TRPV5: variants seen among roughly 807,000 people sequenced by gnomAD.
The protein encoded by TRPV5 is calcium transport protein 2.
A neutral mutation model predicts 74.1 loss-of-function variants in TRPV5; 66 were observed. The ratio of observed to expected loss-of-function variants is 0.89; its 90% CI spans 0.73 to 1.09. The LOEUF is 1.09. Among genes scored for constraint, TRPV5 ranks in the 50% least tolerant of loss-of-function variants. TRPV5 has a pLI of 0.00. For missense variants in TRPV5, 936 were observed against 930.4 expected, an observed-to-expected ratio of 1.01 and a Z score of -0.08; for synonymous variants, 399 against 360.7, an observed-to-expected ratio of 1.11 and a Z score of -1.20.
At chr7:142,931,377 GCCT>G (rs1363311808) in intron 1 of TRPV5, among the ~76,000 whole-genome samples, 1 of 152,094 alleles carries the variant, frequency 6.6e-6, no homozygotes, top group African/African-American at 2.4e-5. Flanking sequence ...GTTACAGGGT[GCCT>G]CTTTCTTCTG....
chr7:142,910,332 G>A (rs1355496709), intron 13 of TRPV5, among the ~76,000 whole-genome samples: 1 of 152,156 alleles, frequency 6.6e-6, no homozygotes, highest in Admixed American at 6.5e-5. Context: ...TAGAACAAAG[G>A]TGTGGGAGTG....
rs1215728451 is a variant in TRPV5 at position 142,929,031 on chromosome 7, C to G, written c.577G>C (p.Asp193His). The G allele has an allele frequency of 3.7e-6, 6 of 1,614,044 alleles. No homozygotes were observed. In the East Asian group the frequency reaches 1.3e-4, roughly 36 times the overall value. ...IEHGADIRAQ[D>H]SLGNTVLHIL... ...CCATCCCAGCTCTTACCCAGGGAGT[C>G]CTGGGCCCTGATGTCAGCTCCATGC... Residue 193 changes from aspartate to histidine, a missense_variant, in exon 5 of 15, where the codon GAC becomes CAC. Asp to His is a moderately conservative substitution (Grantham distance 81). Transcript: ENST00000265310.
chr7:142,911,094 TACA>T (rs1341457527), intron 13 of TRPV5, among the ~76,000 whole-genome samples: 1 of 152,182 alleles, frequency 6.6e-6, no homozygotes, highest in African/African-American at 2.4e-5. Context: ...CCTCACAGAA[TACA>T]ACGTGAGTGG....
At position 142,914,971 on chromosome 7, in the gene TRPV5, C is replaced by T; in HGVS notation, c.1362G>A (p.Met454Ile). The T allele has an allele frequency of 6.2e-7, 1 of 1,614,138 alleles. No homozygotes were observed. The change falls in exon 11 of 15, where the codon ATG becomes ATA. Residue 454 changes from methionine to isoleucine, a missense_variant. Transcript: ENST00000265310. ...LTNTNGEVVP[M>I]SFALVLGWCS... ...ACCAGCCCAGCACCAGGGCAAAGGA[C>T]ATGGGCACCACCTCCCCATTGGTGT...
At chr7:142,918,102 C>T (rs369838379) in intron 8 of TRPV5, among the ~76,000 whole-genome samples, 3 of 152,312 alleles carry the variant, frequency 2.0e-5, no homozygotes, top group African/African-American at 7.2e-5. Flanking sequence ...AATTGAAGTG[C>T]TAATAGGCTT....
Position 142,930,348 on chromosome 7 carries a change from C to A in TRPV5, c.226+1G>T. 1.2e-6 allele frequency: 2 copies of A among 1,614,054 alleles called. No individual in the cohort carries two copies. The highest frequency in any genetic ancestry group is 3.3e-5 in the Admixed American group (2 of 60,028). On this transcript the variant is annotated splice_donor_variant, in intron 2 of 14. Coordinates refer to ENST00000265310, the MANE Select transcript of TRPV5 (RefSeq NM_019841.7). LOFTEE classifies it high-confidence loss of function. The stretch of plus-strand genomic sequence containing the variant: ...TCCATCCCATTAAATCCAGATCCCA[C>A]CTCTTTGTCGAACGTCACAGGTGCA...
chr7:142,915,374 T>C lies in TRPV5; in HGVS notation c.1219A>G (p.Ile407Val), dbSNP rs1330342416. ...TAGCGAGAGGCACCAACCCTGAAGA[T>C]GTCTGGAATCTGGGGAGAGGACGGC... ...VIILLLEIPDIFRVGASRYFG... is the reference protein window; with the variant it reads ...VIILLLEIPDVFRVGASRYFG... Residue 407 changes from isoleucine to valine, a missense_variant, in exon 10 of 15, where the codon ATC (isoleucine) becomes GTC (valine). By Grantham distance (29) the Ile-to-Val change is conservative. Coordinates refer to ENST00000265310, the MANE Select transcript of TRPV5 (RefSeq NM_019841.7). The C allele has an allele frequency of 6.2e-7, 1 of 1,607,376 alleles. No homozygotes were observed. Among genetic ancestry groups the C allele is most frequent in the East Asian group, 2.2e-5 (1 of 44,856 alleles).
chr7:142,930,498 C>A (rs759442278), intron 1 of TRPV5, 52 bp from the exon 2 acceptor site: 6 of 1,343,118 alleles, frequency 4.5e-6, no homozygotes, highest in Non-Finnish European at 6.4e-6. Context: ...CAGAATGAGG[C>A]CAAGAGCAAA....
chr7:142,923,653 C>A (rs567094200), intron 8 of TRPV5, among the ~76,000 whole-genome samples: 16 of 152,114 alleles, frequency 1.1e-4, no homozygotes, highest in African/African-American at 3.1e-4. Context: ...TGCCAAGGAA[C>A]AAGAAGGAAG....
In TRPV5 at chr7:142,930,339, C is replaced by T. The variant is rs780013155; in HGVS notation, c.226+10G>A. ...GCCCCCACCTCCATCCCATTAAATC[C>T]AGATCCCACCTCTTTGTCGAACGTC... is the stretch of plus-strand genomic sequence containing the variant. On this transcript the variant is annotated intron_variant, in intron 2 of 14. Coordinates refer to ENST00000265310, the MANE Select transcript of TRPV5 (RefSeq NM_019841.7). 4.3e-6 allele frequency: 7 copies of T among 1,613,736 alleles called. No homozygotes were observed. Among genetic ancestry groups the T allele is most frequent in the Admixed American group, 1.7e-5 (1 of 59,994 alleles).
chr7:142,929,652 G>C, intron 3 of TRPV5, 87 bp from the exon 4 acceptor site: 1 of 1,556,838 alleles, frequency 6.4e-7, no homozygotes, highest in Non-Finnish European at 8.7e-7. Flanking sequence ...CTCTCAGGAG[G>C]TTCCTGATAG....
At chr7:142,916,289 G>T (rs1418472522) in intron 8 of TRPV5, among the ~76,000 whole-genome samples, 1 of 152,192 alleles carries the variant, frequency 6.6e-6, no homozygotes, top group Non-Finnish European at 1.5e-5. Flanking sequence ...CCTATCCTGA[G>T]CAGTAGTTGT....
At chr7:142,915,204 T>C in intron 10 of TRPV5, 103 bp downstream of exon 10, 8 of 1,534,936 alleles carry the variant, frequency 5.2e-6, no homozygotes, top group Admixed American at 1.9e-5. Flanking sequence ...AGAGAAGTCC[T>C]TGGAGTGAGA....
At chr7:142,926,409 T>C (rs1795990317) in intron 7 of TRPV5, among the ~76,000 whole-genome samples, 1 of 152,066 alleles carries the variant, frequency 6.6e-6, no homozygotes. Flanking sequence ...GGAGGAGGCA[T>C]CTGAGAAATT....
chr7:142,911,415 C>T (rs1563369170), intron 13 of TRPV5, among the ~76,000 whole-genome samples: 1 of 152,220 alleles, frequency 6.6e-6, no homozygotes, highest in Non-Finnish European at 1.5e-5. Context: ...CTAATTGCTA[C>T]TAACCTTGAC....
chr7:142,908,291 G>A lies in TRPV5; in HGVS notation c.*223C>T, dbSNP rs1795641069. On this transcript the variant is annotated 3_prime_UTR_variant, in exon 15 of 15. Transcript: ENST00000265310. Reference sequence around the variant, plus strand: ...CAACCTCCTTTTTCCTGAGATGGGTGACTTGCAAGAGCCCAGAAAATACGT... The same window carrying A: ...CAACCTCCTTTTTCCTGAGATGGGTAACTTGCAAGAGCCCAGAAAATACGT... The A allele has an allele frequency of 3.4e-6, 2 of 587,520 alleles. No individual in the cohort carries two copies. The highest frequency in any genetic ancestry group is 3.7e-5 in the African/African-American group (2 of 53,760). The allele number at this position is 587,520 out of a possible 1,614,324, so 36.4% of individuals were successfully genotyped here.
rs1231008921 is a variant in TRPV5, at chr7:142,928,171, T to C, written c.826A>G (p.Ile276Val). The C allele has an allele frequency of 6.2e-7, 1 of 1,614,170 alleles. No homozygotes were observed. The highest frequency in any genetic ancestry group is 2.2e-5 in the East Asian group (1 of 44,870). The change falls in exon 7 of 15, where the codon ATT becomes GTT. Residue 276 changes from isoleucine to valine, a missense_variant. Physicochemically the swap from Ile to Val is conservative, Grantham distance 29. Transcript: ENST00000265310. Reference protein sequence around the residue: ...IQWTYGPLTSILYDLTEIDSW... With the variant: ...IQWTYGPLTSVLYDLTEIDSW... Reference sequence around the variant, plus strand: ...TCGATCTCCGTGAGGTCGTAGAGAATGGAGGTCAGGGGTCCATACGTCCAC... The same window carrying C: ...TCGATCTCCGTGAGGTCGTAGAGAACGGAGGTCAGGGGTCCATACGTCCAC...
intron 1 of TRPV5, 133 bp downstream of exon 1, chr7:142,933,199 A>G (rs1796125011): frequency 8.0e-7 from 1 of 1,244,162 alleles, no homozygotes; most frequent in Non-Finnish European, 1.1e-6. Flanking sequence ...GTGGGCTGGA[A>G]GGAAAGGGTA....
intron 8 of TRPV5, among the ~76,000 whole-genome samples, chr7:142,923,127 G>A (rs1032274902): frequency 5.3e-5 from 8 of 152,170 alleles, no homozygotes; most frequent in African/African-American, 1.9e-4. Context: ...TGCAGAGGAA[G>A]TCCTGAAGTG....
Sources: gnomAD v4.1 joint callset for allele counts (sites outside exome capture counted in the v4.1 genomes callset) on GRCh38, gnomAD v4.1.1 for gene constraint, MANE v1.5 for transcripts, NCBI Gene and HGNC (gene_info 2026-07-23, HGNC 2026-07-21) for gene names.